The following GABRR3 variants were observed in gnomAD, a reference collection of about 807,000 sequenced individuals.
GABRR3 encodes the protein gamma-aminobutyric acid type A receptor subunit rho3, also known as gamma-aminobutyric acid receptor subunit rho-3.
GABRR3 carries 29 observed loss-of-function variants against 43.2 expected under a neutral mutation model. The observed-to-expected ratio is 0.67, with a 90% confidence interval of 0.50 to 0.92. The LOEUF (loss-of-function observed/expected upper bound fraction) is 0.92. GABRR3 is among the 40% of genes least tolerant of loss of function. The pLI is 0.00. For missense variants in GABRR3, 576 were observed against 572.3 expected, an observed-to-expected ratio of 1.01 and a Z score of -0.07; for synonymous variants, 206 against 195.9, an observed-to-expected ratio of 1.05 and a Z score of -0.43.
At chr3:98,032,708 GT>G (rs939732142) in intron 2 of GABRR3, among the ~76,000 whole-genome samples, 2 of 152,000 alleles carry the variant, frequency 1.3e-5, no homozygotes, top group African/African-American at 2.4e-5. Flanking sequence ...AAAAAGTGAG[GT>G]TATATTCTGA....
At chr3:97,992,040 A>G (rs1706475320) in intron 9 of GABRR3, among the ~76,000 whole-genome samples, 1 of 152,192 alleles carries the variant, frequency 6.6e-6, no homozygotes, top group South Asian at 2.1e-4. Flanking sequence ...CTGAAGTACA[A>G]TATCTTATAT....
At chr3:98,016,414 C>T (rs560613538) in intron 4 of GABRR3, among the ~76,000 whole-genome samples, 4 of 152,258 alleles carry the variant, frequency 2.6e-5, no homozygotes, top group African/African-American at 9.6e-5. Flanking sequence ...TGCCTGCTCC[C>T]GTTCACCTTC....
chr3:97,994,123 G>T (rs1706505974), intron 8 of GABRR3, among the ~76,000 whole-genome samples: 1 of 152,154 alleles, frequency 6.6e-6, no homozygotes. Context: ...TAAGTTGTGA[G>T]GACATTGTAA....
Position 98,000,250 on chromosome 3 carries a change from C to G in GABRR3, c.907+1365G>C, listed in dbSNP as rs1242709095. 5 of 152,098 alleles carry G rather than the reference C, an allele frequency of 3.3e-5. 1 individual carries two copies. The East Asian group carries it at 9.6e-4, about 29-fold the overall frequency. 9.4% of individuals were successfully genotyped at this position (152,098 alleles called of 1,614,324 possible). ...TGTCTTAAAAGTGTTTTAGTGTTCC[C>G]AATTCACTCCACCCTTCCATGGAAG... is the stretch of plus-strand genomic sequence containing the variant. On this transcript the variant is annotated intron_variant, in intron 8 of 9. Transcript: ENST00000621172.
chr3:98,017,757 T>A, intron 3 of GABRR3, 35 bp from the exon 4 acceptor site: 1 of 1,395,836 alleles, frequency 7.2e-7, no homozygotes, highest in Non-Finnish European at 1.0e-6. Flanking sequence ...TGCTGAGGAA[T>A]GCATTATAAT....
chr3:98,017,639 C>A lies in GABRR3; in HGVS notation c.306+16G>T. The A allele has an allele frequency of 1.3e-6, 2 of 1,592,946 alleles. No homozygotes were observed. The highest frequency in any genetic ancestry group is 1.1e-5 in the South Asian group (1 of 88,618). On this transcript the variant is annotated intron_variant, in intron 4 of 9. Coordinates refer to ENST00000621172, the Ensembl canonical transcript of GABRR3. Reference sequence around the variant, plus strand: ...GTCTTTTCAGAAAAAGAGCAATATCCCATGAAGAAACTTACCATGTTAGTC... The same window carrying A: ...GTCTTTTCAGAAAAAGAGCAATATCACATGAAGAAACTTACCATGTTAGTC...
intron 9 of GABRR3, among the ~76,000 whole-genome samples, chr3:97,989,044 T>G (rs1226335827): frequency 6.7e-6 from 1 of 149,724 alleles, no homozygotes; most frequent in Admixed American, 6.7e-5. Context: ...TGGTGGTGGG[T>G]GGTGAGTGGT....
chr3:98,033,183 G>T (rs1707111896), intron 2 of GABRR3, among the ~76,000 whole-genome samples: 2 of 152,134 alleles, frequency 1.3e-5, no homozygotes, highest in South Asian at 4.1e-4. Flanking sequence ...CAGTGCCCTG[G>T]AGGGTGTTTC....
Position 98,025,552 on chromosome 3 carries a change from G to A in GABRR3, c.238+15C>T. The A allele has an allele frequency of 1.3e-6, 2 of 1,528,438 alleles. No homozygotes were observed. The highest frequency in any genetic ancestry group is 1.4e-5 in the African/African-American group (1 of 71,786). 94.7% of individuals were successfully genotyped at this position (1,528,438 alleles called of 1,614,324 possible). Reference sequence around the variant, plus strand: ...CAATGGGTTTTGAAATGAATTTTGAGAGGATAATACTCACCTCCAAATCCA... The same window carrying A: ...CAATGGGTTTTGAAATGAATTTTGAAAGGATAATACTCACCTCCAAATCCA... On this transcript the variant is annotated intron_variant, in intron 3 of 9. Coordinates refer to ENST00000621172, the Ensembl canonical transcript of GABRR3.
chr3:98,016,558 A>G lies in GABRR3; in HGVS notation c.306+1097T>C, dbSNP rs572386521. 7.2e-5 allele frequency among the ~76,000 whole-genome samples: 11 copies of G among 152,226 alleles called. No individual in the cohort carries two copies. The East Asian group carries it at 1.4e-3, about 19-fold the overall frequency. ...ACTGCCCAGCCTCAGGTATTCCTTT[A>G]CTGTAACACAAACAGACTAAGACAA... On this transcript the variant is annotated intron_variant, in intron 4 of 9. Coordinates refer to ENST00000621172, the Ensembl canonical transcript of GABRR3.
At chr3:97,996,964 A>C (rs771939868) in intron 8 of GABRR3, among the ~76,000 whole-genome samples, 22 of 152,168 alleles carry the variant, frequency 1.4e-4, no homozygotes, top group Non-Finnish European at 2.9e-4. Context: ...CAACTTAACA[A>C]CTACGTACTG....
chr3:97,986,917 G>C (rs761320459), exon 10 of GABRR3: 1 of 1,611,490 alleles, frequency 6.2e-7, no homozygotes, highest in Non-Finnish European at 8.5e-7. Context: ...TGTCAATCTC[G>C]CTGTCATGGT....
chr3:98,011,863 A>C (rs1157327057), intron 5 of GABRR3, among the ~76,000 whole-genome samples: 1 of 152,260 alleles, frequency 6.6e-6, no homozygotes, highest in African/African-American at 2.4e-5. Context: ...GTTATAGCAA[A>C]GTGTTGGAAT....
At chr3:97,993,679 G>A (rs1706501496) in intron 8 of GABRR3, among the ~76,000 whole-genome samples, 1 of 152,018 alleles carries the variant, frequency 6.6e-6, no homozygotes, top group Non-Finnish European at 1.5e-5. Flanking sequence ...CACTTACTTA[G>A]CAACAACTAA....
chr3:98,034,919 A>AGCACAAACATTT, exon 2 of GABRR3: 2 of 1,613,238 alleles, frequency 1.2e-6, no homozygotes, highest in East Asian at 4.5e-5. Context: ...TGTTAGAAGC[A>AGCACAAACATTT]GCACAAACAT....
In GABRR3 at chr3:97,987,777, C is replaced by T. The variant is rs567773572; in HGVS notation, c.1105-795G>A. Reference sequence around the variant, plus strand: ...TTTTAACTTTTAAATTAAAATTTATCATTATTTTTTATTTATTGAGACAGG... The same window carrying T: ...TTTTAACTTTTAAATTAAAATTTATTATTATTTTTTATTTATTGAGACAGG... On this transcript the variant is annotated intron_variant, in intron 9 of 9. Coordinates refer to ENST00000621172, the Ensembl canonical transcript of GABRR3. Among the ~76,000 whole-genome samples the T allele has an allele frequency of 1.1e-4, 17 of 151,808 alleles. No homozygotes were observed. The South Asian group carries it at 2.1e-3, about 19-fold the overall frequency.
rs997115376 is a variant in GABRR3, at chr3:98,032,885, C to A, written c.125+1978G>T. Among the ~76,000 whole-genome samples the A allele has an allele frequency of 3.3e-5, 5 of 152,188 alleles. No homozygotes were observed. In the East Asian group the frequency reaches 9.7e-4, roughly 29 times the overall value. On this transcript the variant is annotated intron_variant, in intron 2 of 9. Coordinates refer to ENST00000621172, the Ensembl canonical transcript of GABRR3. ...TAGAAGAGTGGATTATTCATTAATT[C>A]ATTCATTACTTAATTATTGGCTGAT...
At chr3:98,027,456 A>T (rs767112332) in intron 2 of GABRR3, among the ~76,000 whole-genome samples, 1 of 152,402 alleles carries the variant, frequency 6.6e-6, no homozygotes, top group African/African-American at 2.4e-5. Flanking sequence ...CTTTTAATAC[A>T]GCTAAATGGC....
At chr3:98,021,351 C>G (rs1330464882) in intron 3 of GABRR3, among the ~76,000 whole-genome samples, 3 of 152,158 alleles carry the variant, frequency 2.0e-5, no homozygotes, top group Non-Finnish European at 4.4e-5. Context: ...AAAAAAGGAG[C>G]TGAGTCACAG....
Sources: gnomAD v4.1 joint callset for allele counts (sites outside exome capture counted in the v4.1 genomes callset) on GRCh38, gnomAD v4.1.1 for gene constraint, MANE v1.5 for transcripts, NCBI Gene and HGNC (gene_info 2026-07-23, HGNC 2026-07-21) for gene names.